HDX: variants seen among roughly 807,000 people sequenced by gnomAD.
The protein encoded by HDX is highly divergent homeobox, also known as chromosome X open reading frame 43.
In HDX, 19 loss-of-function variants were observed where a neutral mutation model predicts 45.2. That is an observed-to-expected ratio of 0.42 (90% CI 0.29 to 0.62). The LOEUF (loss-of-function observed/expected upper bound fraction) is 0.62. HDX is among the 20% of genes least tolerant of loss of function. The probability of loss-of-function intolerance (pLI) is 0.20; values close to 1 mark genes in which losing one functional copy is unlikely to be tolerated. For synonymous variants in HDX, 188 were observed against 172.8 expected, an observed-to-expected ratio of 1.09 and a Z score of -0.69; for missense variants, 532 against 493.9, an observed-to-expected ratio of 1.08 and a Z score of -0.73.
chrX:84,432,065 A>C (rs1484727158), intron 5 of HDX, among the ~76,000 whole-genome samples: 1 of 111,303 alleles, frequency 9.0e-6, no homozygotes, highest in East Asian at 2.8e-4. Flanking sequence ...CTAGTCAGTT[A>C]TTCTAGCATC....
At chrX:84,480,309 G>T (rs1283200488) in intron 2 of HDX, among the ~76,000 whole-genome samples, 1 of 111,311 alleles carries the variant, frequency 9.0e-6, no homozygotes, top group East Asian at 2.8e-4. Context: ...CTTATTTCTT[G>T]TTTTCTGATA....
At chrX:84,493,553 C>T (rs965121527) in intron 1 of HDX, among the ~76,000 whole-genome samples, 6 of 111,748 alleles carry the variant, frequency 5.4e-5, no homozygotes, top group African/African-American at 1.9e-4. Context: ...TATAAAGGGA[C>T]ATATATGTCT....
chrX:84,370,501 G>A (rs1249621349), intron 5 of HDX, among the ~76,000 whole-genome samples: 1 of 111,981 alleles, frequency 8.9e-6, no homozygotes, highest in Non-Finnish European at 1.9e-5. Flanking sequence ...TTACAGAATA[G>A]GGGTCTGGGC....
At chrX:84,468,083 C>A (rs1016980993) in intron 4 of HDX, among the ~76,000 whole-genome samples, 1 of 111,150 alleles carries the variant, frequency 9.0e-6, no homozygotes, top group African/African-American at 3.3e-5. Context: ...AGCCACCACT[C>A]ATCTAGTGAC....
chrX:84,444,352 A>G (rs1360305243), intron 4 of HDX, among the ~76,000 whole-genome samples: 2 of 111,386 alleles, frequency 1.8e-5, no homozygotes, highest in African/African-American at 6.5e-5. Flanking sequence ...GTATTTTTAT[A>G]CAGTACAAAT....
At position 84,492,487 on chromosome X, in the gene HDX, T is replaced by C. The variant is rs748096270; in HGVS notation, c.-109-4355A>G. ...AGTCTTGTGACTTTAGCAGAGATAA[T>C]TGACCTCTGGAACCTCAGTTCCTTC... On this transcript the variant is annotated intron_variant, in intron 1 of 10. Transcript: ENST00000373177. Among the ~76,000 whole-genome samples the C allele has an allele frequency of 2.7e-5, 3 of 111,033 alleles. No individual in the cohort carries two copies. In the Admixed American group the frequency reaches 2.9e-4, roughly 11 times the overall value.
intron 5 of HDX, among the ~76,000 whole-genome samples, chrX:84,432,757 TATC>T (rs1231769004): frequency 9.0e-6 from 1 of 111,436 alleles, no homozygotes; most frequent in African/African-American, 3.3e-5. Flanking sequence ...TATAGAACCA[TATC>T]ATCTGCAAAC....
intron 5 of HDX, among the ~76,000 whole-genome samples, chrX:84,411,486 G>A (rs1410832221): frequency 9.0e-6 from 1 of 111,693 alleles, no homozygotes; most frequent in Non-Finnish European, 1.9e-5. Flanking sequence ...ATTATTCTTT[G>A]TATTGATTTC....
At chrX:84,357,204 G>A (rs1206139537) in intron 6 of HDX, among the ~76,000 whole-genome samples, 1 of 111,705 alleles carries the variant, frequency 9.0e-6, no homozygotes. Flanking sequence ...TTAGAGTCCA[G>A]GTGCATAAAA....
chrX:84,381,505 A>G (rs779534435), intron 5 of HDX, among the ~76,000 whole-genome samples: 4 of 111,321 alleles, frequency 3.6e-5, no homozygotes, highest in Non-Finnish European at 7.6e-5. Context: ...AGACATGTAG[A>G]GCAATGGAAT....
In HDX at chrX:84,321,946, A is replaced by G; in HGVS notation, c.2016T>C (p.Asp672=). Residue 672 remains aspartate (D), a synonymous_variant, in exon 11 of 11, where the codon GAT becomes GAC. Coordinates refer to ENST00000373177, the MANE Select transcript of HDX (RefSeq NM_001177479.2). ...MDFNHASLEP[D]DTSFSVSSLS... ...AAGAAGATACACTGAATGAGGTATC[A>G]TCAGGCTCCAGTGAGGCATGATTGA... 8.5e-7 allele frequency: 1 copy of G among 1,179,399 alleles called. No homozygotes were observed. The highest frequency in any genetic ancestry group is 1.2e-6 in the Non-Finnish European group (1 of 868,343).
chrX:84,417,032 G>C (rs774983210), intron 5 of HDX, among the ~76,000 whole-genome samples: 40 of 109,250 alleles, frequency 3.7e-4, no homozygotes, highest in Non-Finnish European at 3.2e-4. Context: ...GTGGGAGCCT[G>C]TATCCCAGCT....
intron 5 of HDX, among the ~76,000 whole-genome samples, chrX:84,397,518 G>A (rs189044696): frequency 2.7e-5 from 3 of 111,196 alleles, no homozygotes; most frequent in Admixed American, 9.5e-5. Context: ...TAGAAAGGTG[G>A]ACTGCTGGGG....
In HDX at chrX:84,320,528, A is replaced by G. The variant is rs1381910662; in HGVS notation, c.*1361T>C. On this transcript the variant is annotated 3_prime_UTR_variant, in exon 11 of 11. Coordinates refer to ENST00000373177, the MANE Select transcript of HDX (RefSeq NM_001177479.2). ...AATTTTTAAAAATATCTGAATACCT[A>G]CTAGGTACCAACAAAAATTAAAAAC... is the stretch of plus-strand genomic sequence containing the variant. 9.0e-6 allele frequency: 1 copy of G among 110,971 alleles called. No individual in the cohort carries two copies. The highest frequency in any genetic ancestry group is 1.9e-5 in the Non-Finnish European group (1 of 52,442). 9.1% of individuals were successfully genotyped at this position (110,971 alleles called of 1,213,427 possible). A position where few individuals can be genotyped will look rare whatever the true frequency, so the allele number is the denominator to read the frequency against.
intron 5 of HDX, among the ~76,000 whole-genome samples, chrX:84,438,102 G>A (rs1285205884): frequency 9.0e-6 from 1 of 111,171 alleles, no homozygotes; most frequent in East Asian, 2.9e-4. Flanking sequence ...TTGCTAAGGT[G>A]GGAGACATGA....
chrX:84,337,354 T>C (rs891952593), intron 7 of HDX, among the ~76,000 whole-genome samples: 4 of 111,226 alleles, frequency 3.6e-5, no homozygotes, highest in African/African-American at 1.3e-4. Flanking sequence ...TATGCAAATA[T>C]GTAAATTTTC....
chrX:84,485,355 A>G (rs751564491), intron 2 of HDX, among the ~76,000 whole-genome samples: 2 of 111,953 alleles, frequency 1.8e-5, no homozygotes, highest in East Asian at 5.6e-4. Context: ...ATCTCCATCT[A>G]TAACTGTGGA....
At chrX:84,375,475 G>C (rs990283970) in intron 5 of HDX, among the ~76,000 whole-genome samples, 1 of 111,913 alleles carries the variant, frequency 8.9e-6, no homozygotes, top group Non-Finnish European at 1.9e-5. Flanking sequence ...ATTCACAATA[G>C]CAAAGGCTTG....
At chrX:84,323,141 T>C (rs1168639623) in intron 10 of HDX, among the ~76,000 whole-genome samples, 2 of 111,363 alleles carry the variant, frequency 1.8e-5, no homozygotes, top group African/African-American at 6.5e-5. Context: ...TCAGGCTATG[T>C]AAGGGAAGAC....
Sources: allele counts gnomAD v4.1 joint callset (sites outside exome capture counted in the v4.1 genomes callset), GRCh38; gene constraint gnomAD v4.1.1; transcripts MANE v1.5; gene names NCBI Gene and HGNC (gene_info 2026-07-23, HGNC 2026-07-21).